Variants in PAFAH1B1 observed in about 807,000 individuals in gnomAD.
PAFAH1B1 encodes platelet-activating factor acetylhydrolase IB subunit beta.
A neutral mutation model predicts 57.5 loss-of-function variants in PAFAH1B1; 2 were observed. The observed-to-expected ratio is 0.03, with a 90% CI of 0.01 to 0.11. PAFAH1B1 has a LOEUF of 0.11. Ranked by LOEUF, PAFAH1B1 falls within the 10% of genes least tolerant of loss-of-function variation. The pLI is 1.00. For missense variants in PAFAH1B1, 257 were observed against 512.0 expected, an observed-to-expected ratio of 0.50 and a Z score of 4.81; for synonymous variants, 152 against 169.6, an observed-to-expected ratio of 0.90 and a Z score of 0.81.
chr17:2,684,692 C>G lies in PAFAH1B1; in HGVS notation c.*2890C>G, dbSNP rs958014146. On this transcript the variant is annotated 3_prime_UTR_variant, in exon 11 of 11. Transcript: ENST00000397195. ...ATCTTGCACTTTAGGAGACTAAGAC[C>G]GTCCTGGTTCGTCTGTGTGTGGTGT... 2 of 152,652 alleles carry G rather than the reference C, an allele frequency of 1.3e-5. No homozygotes were observed. Among genetic ancestry groups the G allele is most frequent in the Non-Finnish European group, 1.5e-5 (1 of 68,076 alleles). 9.5% of individuals were successfully genotyped at this position (152,652 alleles called of 1,614,324 possible).
At chr17:2,616,940 G>T (rs1447484334) in intron 1 of PAFAH1B1, among the ~76,000 whole-genome samples, 3 of 152,088 alleles carry the variant, frequency 2.0e-5, no homozygotes. Context: ...GGACCTGGTG[G>T]CGAGCGTCTG....
intron 2 of PAFAH1B1, among the ~76,000 whole-genome samples, chr17:2,645,331 C>A (rs1350449092): frequency 6.6e-6 from 1 of 152,096 alleles, no homozygotes; most frequent in Non-Finnish European, 1.5e-5. Context: ...GGTGCAGTGG[C>A]TCATGCCTGT....
chr17:2,664,438 C>G (rs2069067570), intron 2 of PAFAH1B1, among the ~76,000 whole-genome samples: 1 of 147,612 alleles, frequency 6.8e-6, no homozygotes, highest in Non-Finnish European at 1.5e-5. Flanking sequence ...AGGAATCTTG[C>G]TCTGTTGCCC....
chr17:2,610,036 C>T (rs1215548790), intron 1 of PAFAH1B1, among the ~76,000 whole-genome samples: 1 of 152,210 alleles, frequency 6.6e-6, no homozygotes, highest in Non-Finnish European at 1.5e-5. Context: ...TGTTGGCCAT[C>T]TGGTCTTGAA....
At chr17:2,672,238 TG>T (rs1305833875) in intron 6 of PAFAH1B1, among the ~76,000 whole-genome samples, 3 of 125,586 alleles carry the variant, frequency 2.4e-5, no homozygotes, top group Non-Finnish European at 4.7e-5. Flanking sequence ...GAGCTATGAT[TG>T]CACCACTGCA....
At chr17:2,597,317 T>C (rs2068094098) in intron 1 of PAFAH1B1, among the ~76,000 whole-genome samples, 2 of 151,934 alleles carry the variant, frequency 1.3e-5, no homozygotes, top group Non-Finnish European at 2.9e-5. Flanking sequence ...AGATAAAATA[T>C]CTCTAGTGTA....
At chr17:2,663,847 A>G (rs1315069509) in intron 2 of PAFAH1B1, among the ~76,000 whole-genome samples, 1 of 151,894 alleles carries the variant, frequency 6.6e-6, no homozygotes, top group Non-Finnish European at 1.5e-5. Context: ...GGCGCATACC[A>G]CCACACCTGG....
chr17:2,599,287 T>G, intron 1 of PAFAH1B1, among the ~76,000 whole-genome samples: 1 of 152,242 alleles, frequency 6.6e-6, no homozygotes. Context: ...TAGAATAAGG[T>G]AAATATTGCA....
At chr17:2,601,358 C>T (rs1312807637) in intron 1 of PAFAH1B1, among the ~76,000 whole-genome samples, 2 of 152,062 alleles carry the variant, frequency 1.3e-5, no homozygotes, top group African/African-American at 4.8e-5. Flanking sequence ...TGGTCTCGAA[C>T]TCCTGACCTC....
intron 2 of PAFAH1B1, among the ~76,000 whole-genome samples, chr17:2,664,475 G>C (rs1416574617): frequency 1.3e-5 from 2 of 149,024 alleles, no homozygotes; most frequent in Admixed American, 6.7e-5. Context: ...ATGCGGTCTT[G>C]GCTCACTGCA....
At position 2,674,252 on chromosome 17, in the gene PAFAH1B1, C is replaced by G. The variant is rs141041867; in HGVS notation, c.864C>G (p.Ser288Arg). 2 of 1,613,714 alleles carry G rather than the reference C, an allele frequency of 1.2e-6. No homozygotes were observed. Among genetic ancestry groups the G allele is most frequent in the African/African-American group, 2.7e-5 (2 of 74,900 alleles). ...VVECISWAPESSYSSISEATG... is the reference protein window; with the variant it reads ...VVECISWAPERSYSSISEATG... ...AATGCATTTCCTGGGCTCCAGAAAG[C>G]TCATATTCCTCCATCTCTGAAGCAA... The change falls in exon 8 of 11, where the codon AGC (serine) becomes AGG (arginine). Residue 288 changes from serine to arginine, a missense_variant. By Grantham distance (110) the Ser-to-Arg change is moderately radical. Coordinates refer to ENST00000397195, the MANE Select transcript of PAFAH1B1 (RefSeq NM_000430.4).
At chr17:2,681,638 T>A (rs928189564) in intron 10 of PAFAH1B1, 91 bp from the exon 11 acceptor site, 16 of 1,007,340 alleles carry the variant, frequency 1.6e-5, no homozygotes, top group African/African-American at 9.6e-5. Flanking sequence ...ATTTTTTTTT[T>A]AATTTTGTAT....
chr17:2,621,605 G>GTTTTTTTTTTTTTTTTTTTT lies in PAFAH1B1; in HGVS notation c.-190-16493_-190-16492insTTTTTTTTTTTTTTTTTTTT, dbSNP rs2068421993. ...GCTATTCAAGCATGGTAGATAATCT[G>GTTTTTTTTTTTTTTTTTTTT]TCTTTTTTTTTTTTTTTTTTTTTTT... On this transcript the variant is annotated intron_variant, in intron 1 of 10. Coordinates refer to ENST00000397195, the MANE Select transcript of PAFAH1B1 (RefSeq NM_000430.4). 6.4e-5 allele frequency among the ~76,000 whole-genome samples: 6 copies of GTTTTTTTTTTTTTTTTTTTT among 93,206 alleles called. 2 individuals are homozygous for GTTTTTTTTTTTTTTTTTTTT. Among genetic ancestry groups the GTTTTTTTTTTTTTTTTTTTT allele is most frequent in the Admixed American group, 2.7e-4 (2 of 7,460 alleles). The allele number at this position is 93,206 out of a possible 152,430, so 61.1% of individuals were successfully genotyped here.
intron 1 of PAFAH1B1, among the ~76,000 whole-genome samples, chr17:2,632,700 C>T (rs1454258733): frequency 6.6e-6 from 1 of 152,078 alleles, no homozygotes. Flanking sequence ...TACATTATAA[C>T]AACTATTTAC....
At chr17:2,600,196 T>A (rs1252553700) in intron 1 of PAFAH1B1, among the ~76,000 whole-genome samples, 1 of 151,688 alleles carries the variant, frequency 6.6e-6, no homozygotes, top group African/African-American at 2.4e-5. Context: ...TCCACCCGAG[T>A]TGGCCTCCCA....
rs1165491230 is a variant in PAFAH1B1, at chr17:2,684,506, A to C, written c.*2704A>C. 1 of 152,670 alleles carries C rather than the reference A, an allele frequency of 6.6e-6. No individual in the cohort carries two copies. The highest frequency in any genetic ancestry group is 6.5e-5 in the Admixed American group (1 of 15,280). The allele number at this position is 152,670 out of a possible 1,614,324, so 9.5% of individuals were successfully genotyped here. ...AAAGAGCTGGTAGAATTGCATCCTCAGATGATTATTGACTGTGTGTGTGTG... is the reference window on the plus strand; with the variant it reads ...AAAGAGCTGGTAGAATTGCATCCTCCGATGATTATTGACTGTGTGTGTGTG... On this transcript the variant is annotated 3_prime_UTR_variant, in exon 11 of 11. Coordinates refer to ENST00000397195, the MANE Select transcript of PAFAH1B1 (RefSeq NM_000430.4).
rs571959433 is a variant in PAFAH1B1, at chr17:2,637,826, C to A, written c.-190-273C>A. ...AGAGTTACATGTTAATATTTGAAATCAAATGTATCTGGCAGGTTAACATGA... is the reference window on the plus strand; with the variant it reads ...AGAGTTACATGTTAATATTTGAAATAAAATGTATCTGGCAGGTTAACATGA... On this transcript the variant is annotated intron_variant, in intron 1 of 10. Coordinates refer to ENST00000397195, the MANE Select transcript of PAFAH1B1 (RefSeq NM_000430.4). Among the ~76,000 whole-genome samples the A allele has an allele frequency of 8.8e-4, 134 of 152,246 alleles. 2 individuals carry two copies. The highest frequency in any genetic ancestry group is 3.0e-3 in the African/African-American group (126 of 41,542).
chr17:2,631,025 G>C (rs533089673), intron 1 of PAFAH1B1, among the ~76,000 whole-genome samples: 3 of 152,300 alleles, frequency 2.0e-5, no homozygotes, highest in Non-Finnish European at 4.4e-5. Context: ...TGGATCACCT[G>C]AGGTCATGAG....
chr17:2,656,156 C>A lies in PAFAH1B1; in HGVS notation c.33-9216C>A, dbSNP rs575576406. On this transcript the variant is annotated intron_variant, in intron 2 of 10. Coordinates refer to ENST00000397195, the MANE Select transcript of PAFAH1B1 (RefSeq NM_000430.4). ...GGCCAGGCTGGTCTCGAACTCCTAACCTCGTGATCTGCCCGCCTCAGCCTC... is the reference window on the plus strand; with the variant it reads ...GGCCAGGCTGGTCTCGAACTCCTAAACTCGTGATCTGCCCGCCTCAGCCTC... Among the ~76,000 whole-genome samples the A allele has an allele frequency of 1.6e-4, 24 of 152,258 alleles. No homozygotes were observed. The South Asian group carries it at 4.8e-3, about 30-fold the overall frequency.
Sources: allele counts gnomAD v4.1 joint callset (sites outside exome capture counted in the v4.1 genomes callset), GRCh38; gene constraint gnomAD v4.1.1; transcripts MANE v1.5; gene names NCBI Gene and HGNC (gene_info 2026-07-23, HGNC 2026-07-21).